Variants in ABCB6 observed in about 807,000 individuals in gnomAD.
ABCB6 encodes the protein ATP-binding cassette sub-family B member 6.
Under a neutral mutation model 99.4 loss-of-function variants are expected in ABCB6, and 87 were observed. The observed-to-expected ratio is 0.88, with a 90% CI of 0.74 to 1.05. ABCB6 has a LOEUF of 1.05. Among genes scored for constraint, ABCB6 ranks in the 50% least tolerant of loss-of-function variants. The pLI is 0.00. For missense variants in ABCB6, 1,050 were observed against 1,097.9 expected (o/e 0.96, Z 0.62); for synonymous variants, 482 against 447.5 (o/e 1.08, Z -0.97).
intron 14 of ABCB6, 38 bp from the exon 15 acceptor site, chr2:219,211,146 AC>A (rs1314935964): frequency 1.2e-6 from 2 of 1,606,710 alleles, no homozygotes; most frequent in East Asian, 2.2e-5. Context: ...CTTATGAGAT[AC>A]CCCCAAGGCC....
chr2:219,212,703 G>A (rs1430205424), intron 13 of ABCB6, among the ~76,000 whole-genome samples: 2 of 152,140 alleles, frequency 1.3e-5, no homozygotes, highest in Non-Finnish European at 2.9e-5. Context: ...TGTATTTTTA[G>A]TAGAGATAGG....
At position 219,214,058 on chromosome 2, in the gene ABCB6, G is replaced by A. The variant is rs1950610236; in HGVS notation, c.1452+63C>T. 3.1e-6 allele frequency: 5 copies of A among 1,612,464 alleles called. No individual in the cohort carries two copies. The Admixed American group carries it at 8.3e-5, about 27-fold the overall frequency. On this transcript the variant is annotated intron_variant, in intron 8 of 18. Transcript: ENST00000265316. ...ACCCCAACACTCGACTATCACTCTT[G>A]GCCCTGAAAATTCTACCAGGCCAGG...
chr2:219,213,925 T>G lies in ABCB6; in HGVS notation c.1479A>C (p.Ser493=). Residue 493 remains serine (S), a synonymous_variant, in exon 9 of 19, where the codon TCA becomes TCC. Transcript: ENST00000265316. ...TCTGGGTCTGATTTAGTAAAACCAG[T>G]GAAGCGCTCGACTTCCACTCCAAAC... is the stretch of plus-strand genomic sequence containing the variant. ...YQGLEWKSSA[S]LVLLNQTQNL... The G allele has an allele frequency of 6.2e-7, 1 of 1,614,004 alleles. No homozygotes were observed. Among genetic ancestry groups the G allele is most frequent in the Non-Finnish European group, 8.5e-7 (1 of 1,180,010 alleles).
Position 219,218,399 on chromosome 2 carries a change from G to C in ABCB6, c.275C>G (p.Ala92Gly), listed in dbSNP as rs374837602. 6 of 1,611,738 alleles carry C rather than the reference G, an allele frequency of 3.7e-6. No homozygotes were observed. The South Asian group carries it at 4.4e-5, about 12-fold the overall frequency. ...LQAALPLAGLAGRVGTARGAP... is the reference protein window; with the variant it reads ...LQAALPLAGLGGRVGTARGAP... ...CCCCCGGGCAGTGCCCACCCGGCCAGCCAGGCCGGCCAGGGGCAGCGCCGC... is the reference window on the plus strand; with the variant it reads ...CCCCCGGGCAGTGCCCACCCGGCCACCCAGGCCGGCCAGGGGCAGCGCCGC... The change falls in exon 1 of 19, where the codon GCT (alanine) becomes GGT (glycine). Residue 92 changes from alanine to glycine, a missense_variant. Ala to Gly is a moderately conservative substitution (Grantham distance 60). Coordinates refer to ENST00000265316, the MANE Select transcript of ABCB6 (RefSeq NM_005689.4).
chr2:219,214,108 C>T lies in ABCB6; in HGVS notation c.1452+13G>A. On this transcript the variant is annotated intron_variant, in intron 8 of 18. Transcript: ENST00000265316. ...GGCATTATTCTCCGGAGGCCTCAAACTAGCATCCTCACCTGATATTTGATG... is the reference window on the plus strand; with the variant it reads ...GGCATTATTCTCCGGAGGCCTCAAATTAGCATCCTCACCTGATATTTGATG... The T allele has an allele frequency of 6.2e-7, 1 of 1,614,118 alleles. No individual in the cohort carries two copies. Among genetic ancestry groups the T allele is most frequent in the Non-Finnish European group, 8.5e-7 (1 of 1,179,972 alleles).
rs73993545 is a variant in ABCB6, at chr2:219,215,893, G to A, written c.1154+104C>T. ...TATACTTTAAAAAACACCAAGGTGGGAGCGGCAGCTTCTCAGGCGGGGTCT... is the reference window on the plus strand; with the variant it reads ...TATACTTTAAAAAACACCAAGGTGGAAGCGGCAGCTTCTCAGGCGGGGTCT... On this transcript the variant is annotated intron_variant, in intron 5 of 18. Transcript: ENST00000265316. The A allele has an allele frequency of 3.7e-3, 4,693 of 1,252,906 alleles. 151 individuals are homozygous for A. In the African/African-American group the frequency reaches 0.062, roughly 16 times the overall value. 77.6% of individuals were successfully genotyped at this position (1,252,906 alleles called of 1,614,324 possible).
intron 5 of ABCB6, 41 bp downstream of exon 5, chr2:219,215,956 C>T (rs771149200): frequency 2.7e-5 from 41 of 1,498,356 alleles, no homozygotes; most frequent in Middle Eastern, 2.4e-4. Flanking sequence ...CCTGCTTCTC[C>T]GGCTCCACCC....
In ABCB6 at chr2:219,218,466, T is replaced by C. The variant is rs768326919; in HGVS notation, c.208A>G (p.Ile70Val). The change falls in exon 1 of 19, where the codon ATC (isoleucine) becomes GTC (valine). Residue 70 changes from isoleucine to valine, a missense_variant. By Grantham distance (29) the Ile-to-Val change is conservative (BLOSUM62 3). Transcript: ENST00000265316. ...AGCAGCTGCAGCACGTAGGGAGAGA[T>C]GCGAGGGCCGGCCCCCCAAGACAGC... is the stretch of plus-strand genomic sequence containing the variant. ...DSLSWGAGPR[I>V]SPYVLQLLLA... 4 of 1,607,830 alleles carry C rather than the reference T, an allele frequency of 2.5e-6. No homozygotes were observed. The South Asian group carries it at 3.3e-5, about 13-fold the overall frequency.
intron 5 of ABCB6, chr2:219,215,425 T>A: frequency 4.1e-6 from 1 of 241,280 alleles, no homozygotes; most frequent in East Asian, 1.1e-4. Flanking sequence ...TCTGCATATA[T>A]AATATGTATG....
At chr2:219,210,171 C>T (rs1950557606) in intron 18 of ABCB6, 59 bp downstream of exon 18, 1 of 1,608,860 alleles carries the variant, frequency 6.2e-7, no homozygotes. Context: ...GACTTCATGC[C>T]CCCTTTCCTG....
chr2:219,212,584 G>A (rs1037582504), intron 13 of ABCB6, 93 bp from the exon 14 acceptor site: 43 of 906,712 alleles, frequency 4.7e-5, no homozygotes, highest in African/African-American at 1.6e-4. Flanking sequence ...GTGCAATGGC[G>A]CGATCTCAGC....
Position 219,213,466 on chromosome 2 carries a change from CAT to C in ABCB6, c.1690_1691del (p.Met564ValfsTer2), listed in dbSNP as rs387906908. On this transcript the variant is annotated frameshift_variant, in exon 11 of 19. Coordinates refer to ENST00000265316, the MANE Select transcript of ABCB6 (RefSeq NM_005689.4). LOFTEE classifies it high-confidence loss of function. ...IQTNFIDMENMFDLLKEETEV... is the reference protein window; with the variant it reads ...IQTNFIDMENXFDLLKEETEV... ...CTGTCTCCTCTTTCAGCAAGTCAAA[CAT>C]GTTCTCCATGTCAATGAAGTTGGTC... 6.8e-6 allele frequency: 11 copies of C among 1,614,226 alleles called. No homozygotes were observed. In the South Asian group the frequency reaches 9.9e-5, roughly 15 times the overall value.
At chr2:219,211,167 G>GCCCCAA (rs1950574837) in intron 14 of ABCB6, 59 bp from the exon 15 acceptor site, 1 of 1,592,810 alleles carries the variant, frequency 6.3e-7, no homozygotes, top group Non-Finnish European at 8.6e-7. Flanking sequence ...CTGGGAGGCA[G>GCCCCAA]GGTGGGCTGG....
At chr2:219,211,613 CGTT>C (rs1160539230) in intron 14 of ABCB6, among the ~76,000 whole-genome samples, 1 of 126,478 alleles carries the variant, frequency 7.9e-6, no homozygotes, top group East Asian at 2.6e-4. Context: ...TACAGAATAT[CGTT>C]GTACCTTTTT....
Position 219,218,350 on chromosome 2 carries a change from A to T in ABCB6, c.324T>A (p.Leu108=), listed in dbSNP as rs1249407586. The T allele has an allele frequency of 3.7e-6, 6 of 1,613,056 alleles. No homozygotes were observed. The East Asian group carries it at 1.1e-4, about 30-fold the overall frequency. Residue 108 remains leucine, a synonymous_variant, in exon 1 of 19, where the codon CTT becomes CTA. Transcript: ENST00000265316. ...ARGAPLPSYL[L]LASVLESLAG... Reference sequence around the variant, plus strand: ...CCAGACTCTCCAGCACGGAGGCCAGAAGTAGATAGCTTGGCAGTGGGGCCC... The same window carrying T: ...CCAGACTCTCCAGCACGGAGGCCAGTAGTAGATAGCTTGGCAGTGGGGCCC...
At chr2:219,210,155 C>A (rs976395433) in intron 18 of ABCB6, 75 bp downstream of exon 18, 31 of 1,603,712 alleles carry the variant, frequency 1.9e-5, no homozygotes, top group African/African-American at 2.7e-5. Flanking sequence ...CTCCAGAAGC[C>A]CCTGGGACTT....
chr2:219,211,585 T>G (rs1174597107), intron 14 of ABCB6, among the ~76,000 whole-genome samples: 2 of 150,264 alleles, frequency 1.3e-5, no homozygotes, highest in Non-Finnish European at 3.0e-5. Context: ...ATTACAGGTG[T>G]GAGCCACCAC....
Position 219,216,688 on chromosome 2 carries a change from G to A in ABCB6, c.832C>T (p.Leu278Phe), listed in dbSNP as rs2106428703. The change falls in exon 3 of 19, where the codon CTC becomes TTC. Residue 278 changes from leucine to phenylalanine, a missense_variant. Leu to Phe is a conservative substitution (Grantham distance 22). Coordinates refer to ENST00000265316, the MANE Select transcript of ABCB6 (RefSeq NM_005689.4). The surrounding 1 kb of genome is among the most constrained non-coding windows in gnomAD (Gnocchi z 4.2). ...CLGLMGLERA[L>F]NVLVPIFYRN... The stretch of plus-strand genomic sequence containing the variant: ...TAGAATATAGGCACCAACACATTGA[G>A]TGCCCGTTCCAAACCCATGAGCCCC... The A allele has an allele frequency of 1.9e-6, 3 of 1,579,028 alleles. No individual in the cohort carries two copies. Among genetic ancestry groups the A allele is most frequent in the Non-Finnish European group, 2.6e-6 (3 of 1,162,646 alleles).
At chr2:219,217,308 G>T (rs1314221743) in intron 2 of ABCB6, among the ~76,000 whole-genome samples, 1 of 151,848 alleles carries the variant, frequency 6.6e-6, no homozygotes, top group East Asian at 1.9e-4. Flanking sequence ...CTGAGATCGC[G>T]CCACTACACT....
Sources: allele counts gnomAD v4.1 joint callset (sites outside exome capture counted in the v4.1 genomes callset), GRCh38; gene constraint gnomAD v4.1.1; non-coding constraint Gnocchi (gnomAD v3.1); transcripts MANE v1.5; gene names NCBI Gene and HGNC (gene_info 2026-07-23, HGNC 2026-07-21).